PRDM5: variants seen among roughly 807,000 people sequenced by gnomAD.
The protein encoded by PRDM5 is PR domain zinc finger protein 5.
Under a neutral mutation model 81.2 loss-of-function variants are expected in PRDM5, and 56 were observed. The ratio of observed to expected loss-of-function variants is 0.69; its 90% CI spans 0.56 to 0.86. The LOEUF (loss-of-function observed/expected upper bound fraction) is 0.86, where lower values mean the gene tolerates loss of function less well. PRDM5 is among the 40% of genes least tolerant of loss of function. PRDM5 has a pLI of 0.00. For synonymous variants in PRDM5, 267 were observed against 256.4 expected, an observed-to-expected ratio of 1.04 and a Z score of -0.39; for missense variants, 697 against 770.1, an observed-to-expected ratio of 0.91 and a Z score of 1.12.
intron 14 of PRDM5, among the ~76,000 whole-genome samples, chr4:120,733,907 A>C (rs189835023): frequency 0.017 from 2,457 of 146,510 alleles, 67 homozygotes; most frequent in African/African-American, 0.058. Flanking sequence ...AAAAAAAAAA[A>C]CAAAAAAACT....
At chr4:120,754,370 T>G (rs1239580605) in intron 14 of PRDM5, among the ~76,000 whole-genome samples, 183 bp downstream of exon 14, 1 of 152,166 alleles carries the variant, frequency 6.6e-6, no homozygotes, top group Admixed American at 6.5e-5. Flanking sequence ...AATTTGTGTT[T>G]TTTTTCTTCT....
chr4:120,824,323 T>C (rs1419252032), intron 3 of PRDM5, among the ~76,000 whole-genome samples: 2 of 152,170 alleles, frequency 1.3e-5, no homozygotes, highest in Non-Finnish European at 2.9e-5. Flanking sequence ...ATATCTATCA[T>C]TTCTGGTCTT....
chr4:120,858,433 A>T (rs1760136119), intron 2 of PRDM5, among the ~76,000 whole-genome samples: 1 of 152,232 alleles, frequency 6.6e-6, no homozygotes. Flanking sequence ...ACACACTTTC[A>T]GAAATCAGCA....
intron 13 of PRDM5, among the ~76,000 whole-genome samples, chr4:120,757,304 C>T (rs1359972080): frequency 6.6e-6 from 1 of 152,146 alleles, no homozygotes; most frequent in Non-Finnish European, 1.5e-5. Flanking sequence ...GAATACTGTT[C>T]ATCCTCCATC....
intron 2 of PRDM5, among the ~76,000 whole-genome samples, chr4:120,899,688 C>G (rs1765030356): frequency 6.6e-6 from 1 of 152,118 alleles, no homozygotes; most frequent in South Asian, 2.1e-4. Context: ...TATTCAGTAC[C>G]ACACCAGCTG....
intron 14 of PRDM5, among the ~76,000 whole-genome samples, chr4:120,732,266 A>G (rs185396363): frequency 1.3e-5 from 2 of 152,350 alleles, no homozygotes; most frequent in East Asian, 1.9e-4. Context: ...TGATTAGAAT[A>G]TAAGTACTTA....
At chr4:120,786,089 T>C (rs1749728637) in intron 10 of PRDM5, among the ~76,000 whole-genome samples, 1 of 152,110 alleles carries the variant, frequency 6.6e-6, no homozygotes. Flanking sequence ...AAACAAATCA[T>C]AACTGATGGG....
chr4:120,811,275 A>G, intron 8 of PRDM5, 95 bp downstream of exon 8: 4 of 767,028 alleles, frequency 5.2e-6, no homozygotes, highest in Non-Finnish European at 8.1e-6. Flanking sequence ...ATCTTTTCAC[A>G]TCAAAATAAC....
At chr4:120,743,844 C>T (rs1490467646) in intron 14 of PRDM5, among the ~76,000 whole-genome samples, 3 of 147,752 alleles carry the variant, frequency 2.0e-5, no homozygotes, top group Non-Finnish European at 4.5e-5. Context: ...GACTTTAACA[C>T]CCCACTGTCA....
intron 3 of PRDM5, among the ~76,000 whole-genome samples, chr4:120,834,343 A>G (rs1578920794): frequency 6.6e-6 from 1 of 152,212 alleles, no homozygotes; most frequent in East Asian, 1.9e-4. Context: ...CATCAATGGG[A>G]TTAGTGCCCT....
chr4:120,686,220 AG>A (rs34825503), intron 1 of PRDM5, among the ~76,000 whole-genome samples: 24,060 of 152,074 alleles, frequency 0.16, 2,440 homozygotes, highest in Non-Finnish European at 0.24. Context: ...GTTTCTTTAT[AG>A]GTAATACCTG....
intron 2 of PRDM5, among the ~76,000 whole-genome samples, chr4:120,867,022 G>A (rs1761257545): frequency 1.3e-5 from 2 of 152,140 alleles, no homozygotes; most frequent in East Asian, 1.9e-4. Context: ...CCTGAGAGGG[G>A]CCATTCGCAG....
rs142068038 is a variant in PRDM5, at chr4:120,748,237, G to A, written c.1623+6316C>T. On this transcript the variant is annotated intron_variant, in intron 14 of 15. Coordinates refer to ENST00000264808, the MANE Select transcript of PRDM5 (RefSeq NM_018699.4). Reference sequence around the variant, plus strand: ...GCAGACCTTTGAGACAAAGACAACAGAGATAAGAAGGGAAAGGTCTGGCAG... The same window carrying A: ...GCAGACCTTTGAGACAAAGACAACAAAGATAAGAAGGGAAAGGTCTGGCAG... Among the ~76,000 whole-genome samples the A allele has an allele frequency of 2.1e-3, 321 of 152,310 alleles. 5 individuals carry two copies. The highest frequency in any genetic ancestry group is 7.5e-3 in the African/African-American group (312 of 41,586).
intron 2 of PRDM5, among the ~76,000 whole-genome samples, chr4:120,885,351 A>C (rs1428427464): frequency 6.6e-6 from 1 of 151,988 alleles, no homozygotes; most frequent in East Asian, 1.9e-4. Context: ...GAGGTGGAAA[A>C]AACTTGGGTA....
chr4:120,742,017 T>G (rs1742090132), intron 14 of PRDM5, among the ~76,000 whole-genome samples: 3 of 152,220 alleles, frequency 2.0e-5, no homozygotes, highest in Non-Finnish European at 4.4e-5. Flanking sequence ...TCTGCAGACT[T>G]AAATGTCCCT....
chr4:120,774,692 C>T (rs924062750), intron 13 of PRDM5, among the ~76,000 whole-genome samples: 3 of 152,086 alleles, frequency 2.0e-5, no homozygotes, highest in Non-Finnish European at 2.9e-5. Flanking sequence ...AGACAGTGGT[C>T]ACTGAGGGCA....
chr4:120,715,625 T>A (rs1737632183), intron 14 of PRDM5, among the ~76,000 whole-genome samples: 1 of 152,204 alleles, frequency 6.6e-6, no homozygotes, highest in Non-Finnish European at 1.5e-5. Context: ...TTAAGGCTTG[T>A]ATTATATCCA....
chr4:120,812,824 AT>A (rs1356635615), intron 7 of PRDM5: 1 of 311,800 alleles, frequency 3.2e-6, no homozygotes, highest in Non-Finnish European at 6.2e-6. Flanking sequence ...ACTGTATAGT[AT>A]TAAAAGAGAA....
intron 2 of PRDM5, among the ~76,000 whole-genome samples, chr4:120,867,184 C>T (rs1326823360): frequency 3.3e-5 from 5 of 152,124 alleles, no homozygotes; most frequent in African/African-American, 1.2e-4. Context: ...CCCAGCCCTG[C>T]CACTACCTTG....
Sources: gnomAD v4.1 joint callset for allele counts (sites outside exome capture counted in the v4.1 genomes callset) on GRCh38, gnomAD v4.1.1 for gene constraint, MANE v1.5 for transcripts, NCBI Gene and HGNC (gene_info 2026-07-23, HGNC 2026-07-21) for gene names.